Variants in RYR3 observed in about 807,000 individuals in gnomAD.
RYR3 encodes the protein ryanodine receptor 3.
Under a neutral mutation model 584.3 loss-of-function variants are expected in RYR3, and 207 were observed. The ratio of observed to expected loss-of-function variants is 0.35; its 90% CI spans 0.32 to 0.40. RYR3 has a LOEUF of 0.40. RYR3 is among the 10% of genes least tolerant of loss of function. The pLI is 1.00. For missense variants in RYR3, 5,616 were observed against 6,089.2 expected (o/e 0.92, Z 2.59); for synonymous variants, 2,416 against 2,248.5 (o/e 1.07, Z -2.11).
At chr15:33,405,746 G>A (rs553255289) in intron 1 of RYR3, among the ~76,000 whole-genome samples, 1 of 152,144 alleles carries the variant, frequency 6.6e-6, no homozygotes, top group Non-Finnish European at 1.5e-5. Flanking sequence ...TAATCGAACT[G>A]GGTAGTCCAG....
At chr15:33,460,967 C>T (rs1298218446) in intron 1 of RYR3, among the ~76,000 whole-genome samples, 26 of 36,696 alleles carry the variant, frequency 7.1e-4, no homozygotes, top group African/African-American at 5.8e-3. Context: ...TTTTTTAAGA[C>T]GGAGTCTCGC....
intron 83 of RYR3, 51 bp downstream of exon 83, chr15:33,826,320 A>G: frequency 6.3e-7 from 1 of 1,575,412 alleles, no homozygotes; most frequent in South Asian, 1.1e-5. Flanking sequence ...ATCCTAGGAG[A>G]TCTCATTTAA....
intron 73 of RYR3, 139 bp from the exon 74 acceptor site, chr15:33,813,328 C>G: frequency 1.4e-6 from 1 of 699,978 alleles, no homozygotes; most frequent in East Asian, 2.6e-5. Flanking sequence ...CTGAAATCAT[C>G]TGCTCCTGGG....
chr15:33,508,160 T>C (rs954629340), intron 3 of RYR3, among the ~76,000 whole-genome samples: 2 of 152,192 alleles, frequency 1.3e-5, no homozygotes, highest in African/African-American at 4.8e-5. Flanking sequence ...ACTTCATCAA[T>C]GTCAGATCTT....
At chr15:33,600,399 G>A (rs867477388) in intron 16 of RYR3, among the ~76,000 whole-genome samples, 2 of 152,054 alleles carry the variant, frequency 1.3e-5, no homozygotes, top group East Asian at 1.9e-4. Context: ...TGCTGTTTGC[G>A]CATTCCTCTC....
chr15:33,456,399 AAAG>A (rs1224142586), intron 1 of RYR3, among the ~76,000 whole-genome samples: 1 of 152,208 alleles, frequency 6.6e-6, no homozygotes. Flanking sequence ...TTAATCAGAA[AAAG>A]AAGTGTGCAA....
At chr15:33,808,467 A>G (rs2076324649) in intron 70 of RYR3, among the ~76,000 whole-genome samples, 1 of 152,226 alleles carries the variant, frequency 6.6e-6, no homozygotes, top group Admixed American at 6.5e-5. Context: ...AGATTGTGTA[A>G]TCAAATCCAC....
chr15:33,858,097 C>T lies in RYR3; in HGVS notation c.14142+183C>T, dbSNP rs951625648. ...CAAACAGGAGAGTGTCCTGGGAAGACAGAAGTGATGGAGGTAGTTTTCATT... is the reference window on the plus strand; with the variant it reads ...CAAACAGGAGAGTGTCCTGGGAAGATAGAAGTGATGGAGGTAGTTTTCATT... On this transcript the variant is annotated intron_variant, in intron 99 of 103. Transcript: ENST00000634891. 21 of 795,870 alleles carry T rather than the reference C, an allele frequency of 2.6e-5. No individual in the cohort carries two copies. The African/African-American group carries it at 3.0e-4, about 11-fold the overall frequency. The allele number at this position is 795,870 out of a possible 1,614,324, so 49.3% of individuals were successfully genotyped here.
intron 51 of RYR3, among the ~76,000 whole-genome samples, chr15:33,741,609 G>T (rs1291455259): frequency 6.6e-6 from 1 of 151,962 alleles, no homozygotes; most frequent in Non-Finnish European, 1.5e-5. Context: ...GTTTTGTTTT[G>T]TTTTGTTTTG....
chr15:33,550,053 C>T, intron 9 of RYR3, 107 bp from the exon 10 acceptor site: 1 of 1,190,612 alleles, frequency 8.4e-7, no homozygotes, highest in Middle Eastern at 2.5e-4. Flanking sequence ...AGGATGGACA[C>T]CAGAAGGGTT....
rs34767570 is a variant in RYR3, at chr15:33,382,319, C to CTTTTTTT, written c.51+71239_51+71245dup. Among the ~76,000 whole-genome samples, 1,010 of 104,754 alleles carry CTTTTTTT rather than the reference C, an allele frequency of 9.6e-3. 86 individuals are homozygous for CTTTTTTT. Among genetic ancestry groups the CTTTTTTT allele is most frequent in the African/African-American group, 0.026 (641 of 24,682 alleles). 68.7% of individuals were successfully genotyped at this position (104,754 alleles called of 152,430 possible). A position where few individuals can be genotyped will look rare whatever the true frequency, so the allele number is the denominator to read the frequency against. On this transcript the variant is annotated intron_variant, in intron 1 of 103. Coordinates refer to ENST00000634891, the MANE Select transcript of RYR3 (RefSeq NM_001036.6). The stretch of plus-strand genomic sequence containing the variant: ...CAGGAACTGCTAATTTTAAAAGTGG[C>CTTTTTTT]TTTTTTTTTTTTTTTTTTTTTTGAG...
Position 33,838,616 on chromosome 15 carries a change from C to T in RYR3, c.12636C>T (p.Ser4212=). Reference sequence around the variant, plus strand: ...GAGGAATCTTTCAGATCCTCTGGAGCACAGTGTTTGGAGGGGGCCTGGTAG... The same window carrying T: ...GAGGAATCTTTCAGATCCTCTGGAGTACAGTGTTTGGAGGGGGCCTGGTAG... ...ILGGIFQILW[S]TVFGGGLVEG... The change falls in exon 89 of 104, where the codon AGC becomes AGT. Residue 4212 remains serine, a synonymous_variant. Transcript: ENST00000634891. The T allele has an allele frequency of 1.2e-6, 2 of 1,613,852 alleles. No individual in the cohort carries two copies. Among genetic ancestry groups the T allele is most frequent in the Non-Finnish European group, 1.7e-6 (2 of 1,179,848 alleles).
chr15:33,860,288 A>G (rs2080200806), intron 100 of RYR3, among the ~76,000 whole-genome samples: 1 of 152,148 alleles, frequency 6.6e-6, no homozygotes, highest in Admixed American at 6.5e-5. Context: ...GGGAGAGCCT[A>G]TCACACAGAC....
At position 33,755,137 on chromosome 15, in the gene RYR3, C is replaced by A; in HGVS notation, c.8472C>A (p.Ile2824=). Residue 2824 remains isoleucine (I), a synonymous_variant, in exon 58 of 104, where the codon ATC becomes ATA. Coordinates refer to ENST00000634891, the MANE Select transcript of RYR3 (RefSeq NM_001036.6). The part of the protein sequence containing the change: ...KRFAYKFLKK[I]LKYVDSAQEF... The stretch of plus-strand genomic sequence containing the variant: ...TTGCCTATAAGTTCTTGAAGAAGAT[C>A]CTGAAATACGTTGATTCTGCTCAAG... 1 of 1,612,810 alleles carries A rather than the reference C, an allele frequency of 6.2e-7. No homozygotes were observed. The highest frequency in any genetic ancestry group is 8.5e-7 in the Non-Finnish European group (1 of 1,179,268).
At chr15:33,679,125 G>T (rs1170370494) in intron 38 of RYR3, among the ~76,000 whole-genome samples, 3 of 152,032 alleles carry the variant, frequency 2.0e-5, no homozygotes, top group East Asian at 1.9e-4. Context: ...ATGCTCTAGG[G>T]CACAGACCAC....
chr15:33,496,882 T>C (rs1393758908), intron 2 of RYR3, among the ~76,000 whole-genome samples: 2 of 152,132 alleles, frequency 1.3e-5, no homozygotes, highest in Admixed American at 1.3e-4. Context: ...GTAATGTTTT[T>C]ATAAAGTCTC....
intron 19 of RYR3, among the ~76,000 whole-genome samples, chr15:33,615,882 A>G (rs535293758): frequency 6.6e-6 from 1 of 152,256 alleles, no homozygotes; most frequent in Admixed American, 6.5e-5. Flanking sequence ...TTCTAGCCCT[A>G]TTTTCCATCT....
chr15:33,508,718 C>T (rs748193510), intron 3 of RYR3, among the ~76,000 whole-genome samples: 4 of 152,104 alleles, frequency 2.6e-5, no homozygotes, highest in African/African-American at 4.8e-5. Flanking sequence ...CTGCAAGAAC[C>T]TTTATAACAG....
chr15:33,836,429 G>A (rs2078057404), intron 87 of RYR3, among the ~76,000 whole-genome samples: 1 of 152,070 alleles, frequency 6.6e-6, no homozygotes, highest in Admixed American at 6.5e-5. Flanking sequence ...AGGGACAAGT[G>A]GCACCCAGAT....
Sources: gnomAD v4.1 joint callset for allele counts (sites outside exome capture counted in the v4.1 genomes callset) on GRCh38, gnomAD v4.1.1 for gene constraint, MANE v1.5 for transcripts, NCBI Gene and HGNC (gene_info 2026-07-23, HGNC 2026-07-21) for gene names.